NFRKB: variants seen among roughly 807,000 people sequenced by gnomAD.
NFRKB encodes the protein nuclear factor related to kappa-B-binding protein.
Under a neutral mutation model 135.7 loss-of-function variants are expected in NFRKB, and 62 were observed. The observed-to-expected ratio is 0.46, with a 90% confidence interval of 0.37 to 0.56. NFRKB has a LOEUF of 0.56. NFRKB is among the 20% of genes least tolerant of loss of function. The pLI is 0.00. For missense variants in NFRKB, 1,545 were observed against 1,662.0 expected (o/e 0.93, Z 1.22); for synonymous variants, 678 against 635.6 (o/e 1.07, Z -1.00).
At chr11:129,893,666 G>T (rs1949660450) in intron 2 of NFRKB, among the ~76,000 whole-genome samples, 1 of 152,072 alleles carries the variant, frequency 6.6e-6, no homozygotes, top group Non-Finnish European at 1.5e-5. Context: ...AATGCTAACA[G>T]TCACTTTATG....
At chr11:129,886,257 C>G in intron 5 of NFRKB, 60 bp downstream of exon 5, 2 of 1,554,630 alleles carry the variant, frequency 1.3e-6, no homozygotes, top group Non-Finnish European at 1.7e-6. Context: ...TGAATTGCTT[C>G]TTGAAGTCAT....
At chr11:129,879,736 C>T (rs1948941177) in intron 13 of NFRKB, among the ~76,000 whole-genome samples, 1 of 152,204 alleles carries the variant, frequency 6.6e-6, no homozygotes, top group Non-Finnish European at 1.5e-5. Context: ...GCCCTCTCTC[C>T]TCACTCTGTG....
rs1035729738 is a variant in NFRKB at position 129,884,887 on chromosome 11, G to A, written c.641-41C>T. 4.3e-6 allele frequency: 7 copies of A among 1,613,686 alleles called. No individual in the cohort carries two copies. The African/African-American group carries it at 9.3e-5, about 22-fold the overall frequency. ...GTTCTTGTAAATCCAACGTGGCTGT[G>A]GACTCCAATAGGGGAGATTGGGTAA... is the stretch of plus-strand genomic sequence containing the variant. On this transcript the variant is annotated intron_variant, in intron 6 of 26. Transcript: ENST00000682444.
rs193069583 is a variant in NFRKB, at chr11:129,873,218, A to G, written c.2551-122T>C. 105 of 758,122 alleles carry G rather than the reference A, an allele frequency of 1.4e-4. No homozygotes were observed. The East Asian group carries it at 1.9e-3, about 14-fold the overall frequency. The allele number at this position is 758,122 out of a possible 1,614,324, so 47.0% of individuals were successfully genotyped here. On this transcript the variant is annotated intron_variant, in intron 22 of 26. Transcript: ENST00000682444. ...CTCAAAGAGCTTCTAATCCCACAGT[A>G]CTTAAGGCACACCACTCTCTAAAAT...
At chr11:129,875,217 G>A (rs1053062887) in intron 18 of NFRKB, 140 bp downstream of exon 18, 13 of 804,668 alleles carry the variant, frequency 1.6e-5, no homozygotes, top group East Asian at 5.4e-5. Flanking sequence ...AACAGCAAGC[G>A]TTTTGATCAC....
chr11:129,865,344 G>A (rs1157688150), intron 25 of NFRKB, among the ~76,000 whole-genome samples: 1 of 152,158 alleles, frequency 6.6e-6, no homozygotes, highest in African/African-American at 2.4e-5. Context: ...TTGGCTCCTG[G>A]CCCCGACCAG....
intron 5 of NFRKB, among the ~76,000 whole-genome samples, chr11:129,885,960 T>C (rs1949257545): frequency 6.6e-6 from 1 of 152,216 alleles, no homozygotes; most frequent in Non-Finnish European, 1.5e-5. Context: ...CCTGTTATGC[T>C]ACCATCCATC....
At chr11:129,887,745 T>G (rs534598925) in intron 4 of NFRKB, among the ~76,000 whole-genome samples, 1 of 152,122 alleles carries the variant, frequency 6.6e-6, no homozygotes, top group African/African-American at 2.4e-5. Flanking sequence ...TCAAGAGAAT[T>G]TGAACATGAA....
intron 17 of NFRKB, among the ~76,000 whole-genome samples, chr11:129,876,409 T>C (rs1948767939): frequency 6.6e-6 from 1 of 152,172 alleles, no homozygotes; most frequent in African/African-American, 2.4e-5. Context: ...ATTCCTGGCA[T>C]TCAAAAAGCT....
At chr11:129,875,095 A>C (rs1421956673) in intron 18 of NFRKB, among the ~76,000 whole-genome samples, 179 bp from the exon 19 acceptor site, 1 of 152,246 alleles carries the variant, frequency 6.6e-6, no homozygotes, top group African/African-American at 2.4e-5. Flanking sequence ...AATGCTGTTA[A>C]GACTACTGAG....
chr11:129,874,884 C>G lies in NFRKB; in HGVS notation c.1887G>C (p.Arg629=), dbSNP rs759419598. 10 of 1,614,050 alleles carry G rather than the reference C, an allele frequency of 6.2e-6. No individual in the cohort carries two copies. The South Asian group carries it at 1.1e-4, about 18-fold the overall frequency. The change falls in exon 19 of 27, where the codon CGG becomes CGC. Residue 629 remains arginine, a synonymous_variant. Coordinates refer to ENST00000682444, the MANE Select transcript of NFRKB (RefSeq NM_001143835.2). The surrounding 1 kb of genome is among the most constrained non-coding windows in gnomAD (Gnocchi z 4.5). ...VNTVVSGALD[R]LHYEKDPCVK... ...CACAGGGATCTTTTTCGTAATGTAG[C>G]CGATCCAGTGCACCACTCACTACTG...
rs763856221 is a variant in NFRKB, at chr11:129,882,095, G to C, written c.1182C>G (p.Ser394Arg). Residue 394 changes from serine to arginine, a missense_variant, in exon 11 of 27, where the codon AGC becomes AGG. Ser to Arg is a moderately radical substitution (Grantham distance 110, BLOSUM62 -1). Around this residue, in one of 3 missense-constraint regions of NFRKB, gnomAD observed 678 missense variants for 646.7 expected, o/e 1.05. Transcript: ENST00000682444. The stretch of plus-strand genomic sequence containing the variant: ...TTTCCAAAACGCTTACCATAGGAAG[G>C]CTAGCCTGACTCTCCAGCAGCAAGA... ...LEILLLESQA[S>R]LPMLEERVLD... is the part of the protein sequence containing the mutation. 1 of 1,603,862 alleles carries C rather than the reference G, an allele frequency of 6.2e-7. No individual in the cohort carries two copies. The highest frequency in any genetic ancestry group is 8.5e-7 in the Non-Finnish European group (1 of 1,177,188).
At position 129,875,373 on chromosome 11, in the gene NFRKB, T is replaced by C. The variant is rs1948712327; in HGVS notation, c.1838A>G (p.Asp613Gly). 2 of 1,613,052 alleles carry C rather than the reference T, an allele frequency of 1.2e-6. No individual in the cohort carries two copies. The highest frequency in any genetic ancestry group is 1.7e-6 in the Non-Finnish European group (2 of 1,179,640). The change falls in exon 18 of 27, where the codon GAT becomes GGT. Residue 613 changes from aspartate to glycine, a missense_variant. Coordinates refer to ENST00000682444, the MANE Select transcript of NFRKB (RefSeq NM_001143835.2). ...CCGTCCTACCTGAGTGCTGGTGACA[T>C]CTGGTGCAAGAAACTGGGAGTCCTT... ...LLKDSQFLAP[D>G]VTSTQVNTVV... is the part of the protein sequence containing the mutation.
chr11:129,894,043 T>C (rs1420204867), intron 2 of NFRKB: 1 of 152,240 alleles, frequency 6.6e-6, no homozygotes, highest in East Asian at 1.9e-4. Context: ...TGTAAATTAA[T>C]GCTACTTTTC....
intron 7 of NFRKB, 121 bp downstream of exon 7, chr11:129,884,624 T>C: frequency 8.7e-7 from 1 of 1,147,260 alleles, no homozygotes; most frequent in Non-Finnish European, 1.3e-6. Flanking sequence ...AATCACCTAG[T>C]TCTAGGGAGT....
chr11:129,880,913 A>C (rs976179183), intron 13 of NFRKB, among the ~76,000 whole-genome samples: 1 of 152,222 alleles, frequency 6.6e-6, no homozygotes, highest in Non-Finnish European at 1.5e-5. Flanking sequence ...AGAAGAAACC[A>C]ACACTGGATT....
Position 129,874,236 on chromosome 11 carries a change from G to A in NFRKB, c.2156C>T (p.Pro719Leu). 6.6e-7 allele frequency: 1 copy of A among 1,518,508 alleles called. No homozygotes were observed. The highest frequency in any genetic ancestry group is 8.8e-7 in the Non-Finnish European group (1 of 1,135,798). 94.1% of individuals were successfully genotyped at this position (1,518,508 alleles called of 1,614,324 possible). A position where few individuals can be genotyped will look rare whatever the true frequency, so the allele number is the denominator to read the frequency against. The change falls in exon 21 of 27, where the codon CCA (proline) becomes CTA (leucine). Residue 719 changes from proline (P) to leucine (L), a missense_variant. By Grantham distance (98) the Pro-to-Leu change is moderately conservative. Transcript: ENST00000682444. The surrounding 1 kb of genome is among the most constrained non-coding windows in gnomAD (Gnocchi z 4.5). ...TGTGGTGGGGGTTACAGGTGTGACT[G>A]GGGTGGGTGGCATACTGGAGTCACT... is the stretch of plus-strand genomic sequence containing the variant. The part of the protein sequence containing the change: ...SLSDSSMPPT[P>L]VTPVTPTTPA...
Position 129,878,632 on chromosome 11 carries a change from A to T in NFRKB, c.1385-89T>A. On this transcript the variant is annotated intron_variant, in intron 13 of 26. Transcript: ENST00000682444. ...TCTCTTTACTAGCTGTAACTACAAC[A>T]CAGAGAGATTCTATCAGGAGCTGTA... is the stretch of plus-strand genomic sequence containing the variant. 10 of 1,054,162 alleles carry T rather than the reference A, an allele frequency of 9.5e-6. No individual in the cohort carries two copies. In the South Asian group the frequency reaches 1.4e-4, roughly 14 times the overall value. 65.3% of individuals were successfully genotyped at this position (1,054,162 alleles called of 1,614,324 possible).
At position 129,882,597 on chromosome 11, in the gene NFRKB, A is replaced by C; in HGVS notation, c.936T>G (p.Val312=). The change falls in exon 10 of 27, where the codon GTT becomes GTG. Residue 312 remains valine (V), a synonymous_variant. Coordinates refer to ENST00000682444, the MANE Select transcript of NFRKB (RefSeq NM_001143835.2). The part of the protein sequence containing the change: ...LYDLAVLKKK[V]KEKEEKKKKK... ...TCTTCTTCTTTTCCTCTTTTTCCTT[A>C]ACCTTTTTTTTAAGGACAGCCAAGT... The C allele has an allele frequency of 6.2e-7, 1 of 1,612,838 alleles. No homozygotes were observed. The highest frequency in any genetic ancestry group is 8.5e-7 in the Non-Finnish European group (1 of 1,179,736).
Sources: allele counts gnomAD v4.1 joint callset (sites outside exome capture counted in the v4.1 genomes callset), GRCh38; gene constraint gnomAD v4.1.1; regional missense constraint gnomAD v4.1.1; non-coding constraint Gnocchi (gnomAD v3.1); transcripts MANE v1.5; gene names NCBI Gene and HGNC (gene_info 2026-07-23, HGNC 2026-07-21).